The following TNNT1 variants were observed in gnomAD, a reference collection of about 807,000 sequenced individuals.
TNNT1 encodes troponin T, slow skeletal muscle.
Under a neutral mutation model 50.6 loss-of-function variants are expected in TNNT1, and 53 were observed. That is an observed-to-expected ratio of 1.05 (90% CI 0.84 to 1.32). The LOEUF is 1.32. TNNT1 is among the 40% of genes most tolerant of loss of function. The pLI is 0.00. For synonymous variants in TNNT1, 142 were observed against 138.0 expected (o/e 1.03, Z -0.20); for missense variants, 348 against 381.7 (o/e 0.91, Z 0.74).
chr19:55,134,952 A>G (rs1029424353), intron 11 of TNNT1, among the ~76,000 whole-genome samples: 1 of 151,480 alleles, frequency 6.6e-6, no homozygotes, highest in East Asian at 1.9e-4. Flanking sequence ...CTGGTTTATG[A>G]ATATGTCACA....
rs770552250 is a variant in TNNT1, at chr19:55,147,152, C to T, written c.6G>A (p.Ser2=). The change falls in exon 2 of 14, where the codon TCG becomes TCA. Residue 2 remains serine (S), a synonymous_variant. Coordinates refer to ENST00000588981, the MANE Select transcript of TNNT1 (RefSeq NM_003283.6). ...CCTCATATTCCTGCTCCTCGGTGTC[C>T]GACATCCTGGTGCGGCCTAAGGACC... M[S]DTEEQEYEEE... 1.9e-6 allele frequency: 3 copies of T among 1,613,714 alleles called. No homozygotes were observed. The highest frequency in any genetic ancestry group is 1.3e-5 in the African/African-American group (1 of 75,038).
At chr19:55,142,675 G>A (rs1349243955) in intron 6 of TNNT1, among the ~76,000 whole-genome samples, 1 of 151,412 alleles carries the variant, frequency 6.6e-6, no homozygotes, top group Non-Finnish European at 1.5e-5. Context: ...AGCTTCCCGA[G>A]TAGTTGGGAT....
At position 55,140,888 on chromosome 19, in the gene TNNT1, G is replaced by A; in HGVS notation, c.382C>T (p.Leu128=). 6.2e-7 allele frequency: 1 copy of A among 1,613,570 alleles called. No homozygotes were observed. The highest frequency in any genetic ancestry group is 8.5e-7 in the Non-Finnish European group (1 of 1,179,988). The change falls in exon 9 of 14, where the codon CTG becomes TTG. Residue 128 remains leucine, a synonymous_variant. Transcript: ENST00000588981. ...AGGGCAGGGGAGGCACCCACCGCCA[G>A]CTTAGCCTGACGTTCGCGTTCCTTC... ...TEKERERQAK[L]AEEKMRKEEE... is the part of the protein sequence containing the mutation.
At chr19:55,134,012 C>T in intron 12 of TNNT1, 54 bp downstream of exon 12, 1 of 1,612,152 alleles carries the variant, frequency 6.2e-7, no homozygotes, top group Non-Finnish European at 8.5e-7. Flanking sequence ...TTGCTGGTCC[C>T]TCCCAGCCCA....
At chr19:55,137,652 C>T (rs1429036484) in intron 10 of TNNT1, among the ~76,000 whole-genome samples, 1 of 147,530 alleles carries the variant, frequency 6.8e-6, no homozygotes, top group Admixed American at 6.8e-5. Context: ...GAGTCCAAGC[C>T]CCAGACCCTC....
chr19:55,136,278 G>A (rs1259084931), intron 11 of TNNT1, among the ~76,000 whole-genome samples: 7 of 151,912 alleles, frequency 4.6e-5, no homozygotes, highest in African/African-American at 9.7e-5. Context: ...TTAAGGATGG[G>A]GTCTCACTAC....
At chr19:55,143,168 CAA>C (rs564659968) in intron 6 of TNNT1, among the ~76,000 whole-genome samples, 24 of 126,518 alleles carry the variant, frequency 1.9e-4, no homozygotes, top group South Asian at 2.6e-4. Context: ...GACTCTATCT[CAA>C]AAAAAAAAAA....
intron 11 of TNNT1, among the ~76,000 whole-genome samples, chr19:55,135,847 G>C (rs1050558379): frequency 2.6e-5 from 4 of 152,066 alleles, no homozygotes; most frequent in African/African-American, 4.8e-5. Context: ...CATGAACCAT[G>C]TGCACAGGAA....
At chr19:55,137,874 G>T in intron 10 of TNNT1, 87 bp downstream of exon 10, 1 of 1,532,272 alleles carries the variant, frequency 6.5e-7, no homozygotes, top group Non-Finnish European at 9.0e-7. Flanking sequence ...CCAGGCCTCA[G>T]CCCCTCCTCC....
Position 55,145,579 on chromosome 19 carries a change from G to A in TNNT1, c.107-14C>T. ...GGCGTTCCTCTTCTGTTGGTGGTGG[G>A]GGATAAAAAGAGATAATTAGCAAGA... On this transcript the variant is annotated splice_polypyrimidine_tract_variant and intron_variant, in intron 5 of 13. Coordinates refer to ENST00000588981, the MANE Select transcript of TNNT1 (RefSeq NM_003283.6). 2 of 1,613,518 alleles carry A rather than the reference G, an allele frequency of 1.2e-6. No individual in the cohort carries two copies. Among genetic ancestry groups the A allele is most frequent in the Non-Finnish European group, 1.7e-6 (2 of 1,179,724 alleles).
intron 7 of TNNT1, 78 bp downstream of exon 7, chr19:55,141,779 C>T (rs1313989474): frequency 1.3e-6 from 2 of 1,553,390 alleles, no homozygotes; most frequent in East Asian, 2.3e-5. Context: ...CGCGCCCGGC[C>T]GGCGCCTTTT....
rs770348353 is a variant in TNNT1 at position 55,132,900 on chromosome 19, TC to T, written c.*14del. On this transcript the variant is annotated 3_prime_UTR_variant, in exon 14 of 14. Coordinates refer to ENST00000588981, the MANE Select transcript of TNNT1 (RefSeq NM_003283.6). ...CTCCCAGGCTTCCCAGGTGCCACTG[TC>T]CGGGGCGGCATCCTCACTTCCAGCG... 7.5e-6 allele frequency: 12 copies of T among 1,597,822 alleles called. No individual in the cohort carries two copies. Among genetic ancestry groups the T allele is most frequent in the South Asian group, 3.4e-5 (3 of 87,732 alleles).
chr19:55,146,979 C>G, intron 3 of TNNT1, 29 bp downstream of exon 3: 1 of 1,590,794 alleles, frequency 6.3e-7, no homozygotes, highest in South Asian at 1.1e-5. Context: ...GTGTCCCCAT[C>G]CCATAGGGCC....
Position 55,140,938 on chromosome 19 carries a change from G to C in TNNT1, c.332C>G (p.Ala111Gly). The C allele has an allele frequency of 6.2e-7, 1 of 1,613,834 alleles. No individual in the cohort carries two copies. Among genetic ancestry groups the C allele is most frequent in the East Asian group, 2.2e-5 (1 of 44,876 alleles). The change falls in exon 9 of 14, where the codon GCC (alanine) becomes GGC (glycine). Residue 111 changes from alanine (A) to glycine (G), a missense_variant. Ala to Gly is a moderately conservative substitution (Grantham distance 60). Coordinates refer to ENST00000588981, the MANE Select transcript of TNNT1 (RefSeq NM_003283.6). ...ERIERRRSER[A>G]EQQRFRTEKE... Reference sequence around the variant, plus strand: ...CTCAGTTCTGAAGCGCTGTTGCTCGGCTCTCTCTGACCGGCGCCGCTCCTG... The same window carrying C: ...CTCAGTTCTGAAGCGCTGTTGCTCGCCTCTCTCTGACCGGCGCCGCTCCTG...
chr19:55,144,037 C>G (rs2147261652), intron 6 of TNNT1, among the ~76,000 whole-genome samples: 1 of 151,824 alleles, frequency 6.6e-6, no homozygotes, highest in East Asian at 1.9e-4. Flanking sequence ...GCCTTGGAAT[C>G]CCTCTCAGTC....
chr19:55,147,173 G>C lies in TNNT1; in HGVS notation c.-11-5C>G. On this transcript the variant is annotated splice_region_variant and splice_polypyrimidine_tract_variant and intron_variant, in intron 1 of 13. Coordinates refer to ENST00000588981, the MANE Select transcript of TNNT1 (RefSeq NM_003283.6). ...TGTCCGACATCCTGGTGCGGCCTAA[G>C]GACCAGAGAGAAGAGGCCCAGTGGG... is the stretch of plus-strand genomic sequence containing the variant. 1 of 1,613,178 alleles carries C rather than the reference G, an allele frequency of 6.2e-7. No homozygotes were observed. Among genetic ancestry groups the C allele is most frequent in the Admixed American group, 1.7e-5 (1 of 59,922 alleles).
At chr19:55,136,683 C>T (rs1250040033) in intron 11 of TNNT1, among the ~76,000 whole-genome samples, 1 of 152,144 alleles carries the variant, frequency 6.6e-6, no homozygotes, top group Non-Finnish European at 1.5e-5. Flanking sequence ...AGCCTGCCGT[C>T]CTGTAGCTTA....
At chr19:55,139,697 G>A (rs989448461) in intron 9 of TNNT1, among the ~76,000 whole-genome samples, 2 of 152,010 alleles carry the variant, frequency 1.3e-5, no homozygotes, top group African/African-American at 2.4e-5. Context: ...GCTGGGTGAC[G>A]GGCAGGTGGC....
rs2085269780 is a variant in TNNT1 at position 55,132,703 on chromosome 19, G to A, written c.*212C>T. On this transcript the variant is annotated 3_prime_UTR_variant, in exon 14 of 14. Transcript: ENST00000588981. Reference sequence around the variant, plus strand: ...CCATTCCCACCAGCAGTGTGTGAAGGTTCAGCCTGCCGTACTTTAATGATT... The same window carrying A: ...CCATTCCCACCAGCAGTGTGTGAAGATTCAGCCTGCCGTACTTTAATGATT... The A allele has an allele frequency of 1.6e-6, 1 of 612,764 alleles. No homozygotes were observed. The allele number at this position is 612,764 out of a possible 1,614,324, so 38.0% of individuals were successfully genotyped here. A position where few individuals can be genotyped will look rare whatever the true frequency, so the allele number is the denominator to read the frequency against.
Sources: gnomAD v4.1 joint callset for allele counts (sites outside exome capture counted in the v4.1 genomes callset) on GRCh38, gnomAD v4.1.1 for gene constraint, MANE v1.5 for transcripts, NCBI Gene and HGNC (gene_info 2026-07-23, HGNC 2026-07-21) for gene names.